The following ZNF213 variants were observed in gnomAD, a reference collection of about 807,000 sequenced individuals.
ZNF213 encodes zinc finger protein 213.
Under a neutral mutation model 46.0 loss-of-function variants are expected in ZNF213, and 32 were observed. That is an observed-to-expected ratio of 0.70 (90% CI 0.52 to 0.93). ZNF213 has a LOEUF of 0.93. Ranked by LOEUF, ZNF213 falls within the 40% of genes least tolerant of loss-of-function variation. The pLI, the probability that ZNF213 is intolerant of heterozygous loss-of-function variation, is 0.00. For synonymous variants in ZNF213, 297 were observed against 271.0 expected (o/e 1.10, Z -0.94); for missense variants, 639 against 652.8 (o/e 0.98, Z 0.23).
At chr16:3,136,587 G>T (rs1228204270) in intron 1 of ZNF213, among the ~76,000 whole-genome samples, 1 of 151,998 alleles carries the variant, frequency 6.6e-6, no homozygotes, top group South Asian at 2.1e-4. Context: ...CGTGGTAGCT[G>T]GTGCCTGTAG....
rs1014172988 is a variant in ZNF213, at chr16:3,135,057, C to G, written c.-446C>G. 8.0e-6 allele frequency: 1 copy of G among 124,506 alleles called. No individual in the cohort carries two copies. Among genetic ancestry groups the G allele is most frequent in the Non-Finnish European group, 1.6e-5 (1 of 62,508 alleles). 7.7% of individuals were successfully genotyped at this position (124,506 alleles called of 1,614,324 possible). A position where few individuals can be genotyped will look rare whatever the true frequency, so the allele number is the denominator to read the frequency against. On this transcript the variant is annotated 5_prime_UTR_variant, in exon 1 of 6. Coordinates refer to ENST00000396878, the MANE Select transcript of ZNF213 (RefSeq NM_004220.3). ...GACTTCCGGCGCCGGGAGCTCGCGG[C>G]GGAAGTGGGATCTCCTGGGCCGTAG...
In ZNF213 at chr16:3,137,999, G is replaced by A. The variant is rs1477844273; in HGVS notation, c.399+320G>A. On this transcript the variant is annotated intron_variant, in intron 2 of 5. Coordinates refer to ENST00000396878, the MANE Select transcript of ZNF213 (RefSeq NM_004220.3). ...TCTAGGCCTGGCTCTGGGGACACAAGGGTGTGCATAGAGCCAGCTCCAGAG... is the reference window on the plus strand; with the variant it reads ...TCTAGGCCTGGCTCTGGGGACACAAAGGTGTGCATAGAGCCAGCTCCAGAG... 8.3e-6 allele frequency: 4 copies of A among 480,300 alleles called. No individual in the cohort carries two copies. The East Asian group carries it at 1.2e-4, about 15-fold the overall frequency. 29.8% of individuals were successfully genotyped at this position (480,300 alleles called of 1,614,324 possible).
intron 1 of ZNF213, among the ~76,000 whole-genome samples, chr16:3,136,949 T>C (rs905063546): frequency 3.9e-5 from 6 of 152,138 alleles, no homozygotes; most frequent in African/African-American, 1.2e-4. Context: ...GTCAAAGAGT[T>C]ATGAAACACC....
At position 3,137,478 on chromosome 16, in the gene ZNF213, C is replaced by G; in HGVS notation, c.198C>G (p.Leu66=). ...VHGPHEAFSQ[L]WELCCRWLRP... Reference sequence around the variant, plus strand: ...GGCCTCATGAGGCCTTCAGCCAGCTCTGGGAGCTCTGCTGCCGCTGGCTGC... The same window carrying G: ...GGCCTCATGAGGCCTTCAGCCAGCTGTGGGAGCTCTGCTGCCGCTGGCTGC... Residue 66 remains leucine (L), a synonymous_variant, in exon 2 of 6, where the codon CTC becomes CTG. Coordinates refer to ENST00000396878, the MANE Select transcript of ZNF213 (RefSeq NM_004220.3). The G allele has an allele frequency of 1.2e-6, 2 of 1,613,932 alleles. No individual in the cohort carries two copies. Among genetic ancestry groups the G allele is most frequent in the Non-Finnish European group, 1.7e-6 (2 of 1,180,042 alleles).
In ZNF213 at chr16:3,141,350, A is replaced by G. The variant is rs200818768; in HGVS notation, c.*3A>G. On this transcript the variant is annotated 3_prime_UTR_variant, in exon 6 of 6. Coordinates refer to ENST00000396878, the MANE Select transcript of ZNF213 (RefSeq NM_004220.3). ...AGATGGCCCAGCCCGTGGGGTGAGC[A>G]GCTGGCTTGGCCGGAAACCCGGGGG... 8.7e-5 allele frequency: 134 copies of G among 1,541,370 alleles called. 1 individual carries two copies. In the African/African-American group the frequency reaches 1.5e-3, roughly 17 times the overall value.
At position 3,142,411 on chromosome 16, in the gene ZNF213, G is replaced by T; in HGVS notation, c.*1064G>T. ...CCCACTCCATCAGCACTAACGCCCT[G>T]CTCCATCGGCACTGGTGTCCCACTC... On this transcript the variant is annotated 3_prime_UTR_variant, in exon 6 of 6. Coordinates refer to ENST00000396878, the MANE Select transcript of ZNF213 (RefSeq NM_004220.3). 1 of 146,042 alleles carries T rather than the reference G, an allele frequency of 6.8e-6. No homozygotes were observed. Among genetic ancestry groups the T allele is most frequent in the Non-Finnish European group, 1.5e-5 (1 of 66,444 alleles). The allele number at this position is 146,042 out of a possible 1,614,324, so 9.0% of individuals were successfully genotyped here.
In ZNF213 at chr16:3,141,470, CTCACA is replaced by C; in HGVS notation, c.*124_*128del. 1 of 1,191,846 alleles carries C rather than the reference CTCACA, an allele frequency of 8.4e-7. No homozygotes were observed. The highest frequency in any genetic ancestry group is 1.1e-6 in the Non-Finnish European group (1 of 879,534). 73.8% of individuals were successfully genotyped at this position (1,191,846 alleles called of 1,614,324 possible). A position where few individuals can be genotyped will look rare whatever the true frequency, so the allele number is the denominator to read the frequency against. ...GGCTGTCCGAGGGACCCCAGGGTAC[CTCACA>C]CTCGGAGCTCGCCTGCCCTGCTTGG... On this transcript the variant is annotated 3_prime_UTR_variant, in exon 6 of 6. Coordinates refer to ENST00000396878, the MANE Select transcript of ZNF213 (RefSeq NM_004220.3).
At position 3,139,077 on chromosome 16, in the gene ZNF213, A is replaced by T; in HGVS notation, c.700A>T (p.Asn234Tyr). The change falls in exon 5 of 6, where the codon AAC (asparagine) becomes TAC (tyrosine). Residue 234 changes from asparagine (N) to tyrosine (Y), a missense_variant. Asn to Tyr is a moderately radical substitution (Grantham distance 143). Transcript: ENST00000396878. ...RDLFWDIKRE[N>Y]SRNTTLGFGL... ...TCTCTTCTGGGACATAAAGCGGGAG[A>T]ACTCCCGGAACACCACCCTGGGTAA... The T allele has an allele frequency of 6.2e-7, 1 of 1,613,856 alleles. No individual in the cohort carries two copies. Among genetic ancestry groups the T allele is most frequent in the Non-Finnish European group, 8.5e-7 (1 of 1,179,984 alleles).
At chr16:3,139,251 A>T in intron 5 of ZNF213, 153 bp downstream of exon 5, 3 of 1,219,740 alleles carry the variant, frequency 2.5e-6, no homozygotes, top group Non-Finnish European at 3.4e-6. Context: ...GCTGATGATC[A>T]GTTTTTGTGC....
At chr16:3,139,230 C>T in intron 5 of ZNF213, 132 bp downstream of exon 5, 1 of 1,350,728 alleles carries the variant, frequency 7.4e-7, no homozygotes, top group Non-Finnish European at 1.0e-6. Flanking sequence ...GCCTGAGTAA[C>T]TCCTTTCTTG....
At chr16:3,139,225 A>G in intron 5 of ZNF213, 127 bp downstream of exon 5, 1 of 1,374,728 alleles carries the variant, frequency 7.3e-7, no homozygotes, top group Non-Finnish European at 9.8e-7. Context: ...CAGGAGCCTG[A>G]GTAACTCCTT....
chr16:3,137,833 CCT>C, intron 2 of ZNF213, 154 bp downstream of exon 2: 1 of 961,606 alleles, frequency 1.0e-6, no homozygotes, highest in Non-Finnish European at 1.5e-6. Context: ...GCCATGGGTG[CCT>C]TTCTGAAAGA....
intron 2 of ZNF213, 42 bp downstream of exon 2, chr16:3,137,721 T>G (rs1228087924): frequency 6.3e-7 from 1 of 1,596,658 alleles, no homozygotes; most frequent in African/African-American, 1.3e-5. Context: ...GGATGGTATC[T>G]GAGCTCGAGA....
chr16:3,138,370 C>G (rs756548974), intron 2 of ZNF213, 48 bp from the exon 3 acceptor site: 2 of 1,609,726 alleles, frequency 1.2e-6, no homozygotes, highest in Non-Finnish European at 1.7e-6. Context: ...AACTCTGTCT[C>G]CCCCGGTCTG....
chr16:3,137,122 C>A, intron 1 of ZNF213, 44 bp from the exon 2 acceptor site: 1 of 956,416 alleles, frequency 1.0e-6, no homozygotes, highest in Non-Finnish European at 1.5e-6. Flanking sequence ...CTCGTGTATT[C>A]CACATCCTTC....
chr16:3,138,695 C>G (rs374314839), intron 3 of ZNF213, 50 bp from the exon 4 acceptor site: 4 of 1,612,196 alleles, frequency 2.5e-6, no homozygotes, highest in Non-Finnish European at 3.4e-6. Context: ...CCATAGGCGT[C>G]GGTGTCAAGC....
Position 3,141,549 on chromosome 16 carries a change from C to A in ZNF213, c.*202C>A. 1 of 567,492 alleles carries A rather than the reference C, an allele frequency of 1.8e-6. No individual in the cohort carries two copies. Among genetic ancestry groups the A allele is most frequent in the Non-Finnish European group, 3.0e-6 (1 of 332,642 alleles). 35.2% of individuals were successfully genotyped at this position (567,492 alleles called of 1,614,324 possible). ...AAAGGGAACGGAAGCCTTCCCCTCC[C>A]GCCCCCGATCTTGTCCTCTTTCCCC... On this transcript the variant is annotated 3_prime_UTR_variant, in exon 6 of 6. Transcript: ENST00000396878.
intron 1 of ZNF213, among the ~76,000 whole-genome samples, chr16:3,136,455 C>T (rs563440933): frequency 5.9e-5 from 9 of 152,114 alleles, no homozygotes; most frequent in Admixed American, 3.9e-4. Context: ...CAGTGGCTCA[C>T]GCCTGTAATC....
rs959357745 is a variant in ZNF213 at position 3,137,109 on chromosome 16, T to C, written c.-115-57T>C. 8.5e-6 allele frequency: 7 copies of C among 821,752 alleles called. No individual in the cohort carries two copies. The African/African-American group carries it at 1.0e-4, about 12-fold the overall frequency. The allele number at this position is 821,752 out of a possible 1,614,324, so 50.9% of individuals were successfully genotyped here. On this transcript the variant is annotated intron_variant, in intron 1 of 5. Transcript: ENST00000396878. ...ACTGGATGGCTCTTCAGCCTGGGGT[T>C]TGCTCGTGTATTCCACATCCTTCCT...
Sources: gnomAD v4.1 joint callset for allele counts (sites outside exome capture counted in the v4.1 genomes callset) on GRCh38, gnomAD v4.1.1 for gene constraint, MANE v1.5 for transcripts, NCBI Gene and HGNC (gene_info 2026-07-23, HGNC 2026-07-21) for gene names.